Variants in CCDC117 observed in about 807,000 individuals in gnomAD.
CCDC117 encodes coiled-coil domain containing 117.
A neutral mutation model predicts 23.5 loss-of-function variants in CCDC117; 1 was observed. The observed-to-expected ratio is 0.04, with a 90% CI of 0.02 to 0.20. CCDC117 has a LOEUF of 0.20. Ranked by LOEUF, CCDC117 falls within the 10% of genes least tolerant of loss-of-function variation. The pLI is 1.00. For synonymous variants in CCDC117, 132 were observed against 124.8 expected (o/e 1.06, Z -0.39); for missense variants, 383 against 348.2 (o/e 1.10, Z -0.80).
In CCDC117 at chr22:28,786,301, G is replaced by A. The variant is rs9613680; in HGVS notation, c.815G>A (p.Ser272Asn). The A allele has an allele frequency of 2.8e-5, 45 of 1,613,422 alleles. No individual in the cohort carries two copies. In the South Asian group the frequency reaches 4.5e-4, roughly 16 times the overall value. The change falls in exon 5 of 5, where the codon AGC (serine) becomes AAC (asparagine). Residue 272 changes from serine to asparagine, a missense_variant. By Grantham distance (46) the Ser-to-Asn change is conservative. Coordinates refer to ENST00000249064, the MANE Select transcript of CCDC117 (RefSeq NM_173510.4). ...SLYNSLETAT[S>N]TEEEMEL The stretch of plus-strand genomic sequence containing the variant: ...TATAATAGTTTGGAGACAGCTACTA[G>A]CACAGAAGAAGAGATGGAACTCTAG...
At position 28,773,676 on chromosome 22, in the gene CCDC117, C is replaced by G. The variant is rs775114220; in HGVS notation, c.186-49C>G. The stretch of plus-strand genomic sequence containing the variant: ...AGCAAGAAAGAGGATACTGAAACCA[C>G]AAGCTCGAGTACATTTCTTAATTGA... On this transcript the variant is annotated intron_variant, in intron 1 of 4. Transcript: ENST00000249064. 4 of 1,476,438 alleles carry G rather than the reference C, an allele frequency of 2.7e-6. No individual in the cohort carries two copies. The African/African-American group carries it at 4.2e-5, about 15-fold the overall frequency. 91.5% of individuals were successfully genotyped at this position (1,476,438 alleles called of 1,614,324 possible). A position where few individuals can be genotyped will look rare whatever the true frequency, so the allele number is the denominator to read the frequency against.
intron 4 of CCDC117, 39 bp downstream of exon 4, chr22:28,783,684 TGGAG>T (rs2031426237): frequency 6.3e-7 from 1 of 1,595,440 alleles, no homozygotes; most frequent in African/African-American, 1.3e-5. Context: ...ATTATGATCT[TGGAG>T]GGAAGACCCA....
intron 2 of CCDC117, among the ~76,000 whole-genome samples, chr22:28,774,074 T>G (rs2031086300): frequency 6.8e-6 from 1 of 146,188 alleles, no homozygotes; most frequent in Admixed American, 6.7e-5. Flanking sequence ...GTTTTTGTTT[T>G]TTTTTTTTTT....
rs1283060098 is a variant in CCDC117 at position 28,773,770 on chromosome 22, G to T, written c.231G>T (p.Glu77Asp). 9.9e-6 allele frequency: 16 copies of T among 1,611,392 alleles called. No individual in the cohort carries two copies. In the East Asian group the frequency reaches 2.5e-4, roughly 25 times the overall value. The part of the protein sequence containing the change: ...CKKKHKREEE[E>D]DDDCPVRKKR... ...AGAAACACAAGCGAGAGGAGGAGGA[G>T]GATGATGAGTAAGTTTCAGTGGTTG... The change falls in exon 2 of 5, where the codon GAG becomes GAT. Residue 77 changes from glutamate (E) to aspartate (D), a missense_variant. Transcript: ENST00000249064.
chr22:28,786,705 A>G lies in CCDC117; in HGVS notation c.*379A>G, dbSNP rs899595250. 1.6e-5 allele frequency: 3 copies of G among 189,624 alleles called. No homozygotes were observed. The highest frequency in any genetic ancestry group is 3.3e-5 in the Non-Finnish European group (3 of 89,694). 11.7% of individuals were successfully genotyped at this position (189,624 alleles called of 1,614,324 possible). A position where few individuals can be genotyped will look rare whatever the true frequency, so the allele number is the denominator to read the frequency against. ...AAAGATGATTAAGAAGGATGCTCCT[A>G]CAACTGTATCCTGACAGTTAAGTCA... On this transcript the variant is annotated 3_prime_UTR_variant, in exon 5 of 5. Transcript: ENST00000249064.
chr22:28,784,179 T>G (rs2031439964), intron 4 of CCDC117, among the ~76,000 whole-genome samples: 1 of 152,180 alleles, frequency 6.6e-6, no homozygotes, highest in Admixed American at 6.5e-5. Context: ...TCTGGTTTCC[T>G]AGATCATCAG....
Position 28,772,951 on chromosome 22 carries a change from G to A in CCDC117, c.102G>A (p.Pro34=). ...CCTTCCCCGGCCGGGCCTTCCCGCC[G>A]GGGGCTGACGGCGCCGAGTTGGCCC... ...QPAFPGRAFP[P]GADGAELAPR... is the part of the protein sequence containing the mutation. The change falls in exon 1 of 5, where the codon CCG becomes CCA. Residue 34 remains proline, a synonymous_variant. Coordinates refer to ENST00000249064, the MANE Select transcript of CCDC117 (RefSeq NM_173510.4). 8.2e-7 allele frequency: 1 copy of A among 1,214,682 alleles called. No individual in the cohort carries two copies. The highest frequency in any genetic ancestry group is 1.0e-6 in the Non-Finnish European group (1 of 976,822). The allele number at this position is 1,214,682 out of a possible 1,614,324, so 75.2% of individuals were successfully genotyped here. A position where few individuals can be genotyped will look rare whatever the true frequency, so the allele number is the denominator to read the frequency against.
At chr22:28,779,290 C>T (rs969491069) in intron 2 of CCDC117, among the ~76,000 whole-genome samples, 1 of 152,094 alleles carries the variant, frequency 6.6e-6, no homozygotes, top group African/African-American at 2.4e-5. Flanking sequence ...CAACCTCCCC[C>T]CTCCTGGGTT....
chr22:28,773,427 A>ATTAT (rs998407556), intron 1 of CCDC117: 5 of 374,462 alleles, frequency 1.3e-5, no homozygotes, highest in African/African-American at 4.0e-5. Flanking sequence ...TCTTAGTGAG[A>ATTAT]TTATTTAAAT....
intron 3 of CCDC117, 85 bp from the exon 4 acceptor site, chr22:28,783,423 A>G (rs1281433873): frequency 3.0e-6 from 4 of 1,353,910 alleles, no homozygotes; most frequent in African/African-American, 3.0e-5. Context: ...ATCCTTTTTT[A>G]TTTTTAAAAT....
At chr22:28,776,780 C>T (rs2031173654) in intron 2 of CCDC117, among the ~76,000 whole-genome samples, 1 of 152,026 alleles carries the variant, frequency 6.6e-6, no homozygotes, top group Non-Finnish European at 1.5e-5. Context: ...GATGGGGTTT[C>T]TGCATTTTGG....
At position 28,786,321 on chromosome 22, in the gene CCDC117, C is replaced by G; in HGVS notation, c.835C>G (p.Leu279Val). ...TATSTEEEME[L>V] ...TACTAGCACAGAAGAAGAGATGGAA[C>G]TCTAGAAACCAATTTCTACACTAAA... Residue 279 changes from leucine to valine, a missense_variant, in exon 5 of 5, where the codon CTC becomes GTC. Coordinates refer to ENST00000249064, the MANE Select transcript of CCDC117 (RefSeq NM_173510.4). The G allele has an allele frequency of 1.2e-6, 2 of 1,604,028 alleles. No individual in the cohort carries two copies. Among genetic ancestry groups the G allele is most frequent in the Non-Finnish European group, 1.7e-6 (2 of 1,172,516 alleles).
intron 1 of CCDC117, 23 bp from the exon 2 acceptor site, chr22:28,773,702 C>A: frequency 6.2e-7 from 1 of 1,602,328 alleles, no homozygotes; most frequent in Non-Finnish European, 8.6e-7. Context: ...TCTTAATTGA[C>A]TGATTTTTGT....
chr22:28,783,535 A>G lies in CCDC117; in HGVS notation c.492A>G (p.Glu164=), dbSNP rs140909131. 1.9e-6 allele frequency: 3 copies of G among 1,613,760 alleles called. No homozygotes were observed. The highest frequency in any genetic ancestry group is 2.5e-6 in the Non-Finnish European group (3 of 1,179,838). The part of the protein sequence containing the change: ...DRIIDEDEEV[E]ADRNVNHLPS... ...TAATTGATGAAGATGAAGAAGTTGA[A>G]GCTGACAGAAATGTTAACCATCTCC... The change falls in exon 4 of 5, where the codon GAA becomes GAG. Residue 164 remains glutamate (E), a synonymous_variant. Transcript: ENST00000249064.
rs1379282483 is a variant in CCDC117 at position 28,781,422 on chromosome 22, C to G, written c.464+250C>G. Among the ~76,000 whole-genome samples the G allele has an allele frequency of 1.2e-4, 5 of 40,670 alleles. 1 individual carries two copies. Among genetic ancestry groups the G allele is most frequent in the African/African-American group, 5.1e-4 (2 of 3,950 alleles). 26.7% of individuals were successfully genotyped at this position (40,670 alleles called of 152,430 possible). On this transcript the variant is annotated intron_variant, in intron 3 of 4. Coordinates refer to ENST00000249064, the MANE Select transcript of CCDC117 (RefSeq NM_173510.4). ...CTGGAGTGCAGTGGCGGGATCTCGGCTCACTGCAAGCTCCGCCTCCCGGGT... is the reference window on the plus strand; with the variant it reads ...CTGGAGTGCAGTGGCGGGATCTCGGGTCACTGCAAGCTCCGCCTCCCGGGT...
chr22:28,773,132 C>A, intron 1 of CCDC117, 98 bp downstream of exon 1: 1 of 528,024 alleles, frequency 1.9e-6, no homozygotes, highest in Non-Finnish European at 2.4e-6. Context: ...GGGCTCCGCG[C>A]CGGGGCTTTT....
In CCDC117 at chr22:28,783,563, A is replaced by G. The variant is rs1569199918; in HGVS notation, c.520A>G (p.Ser174Gly). ...EADRNVNHLP[S>G]LVLSDTMKTG... Reference sequence around the variant, plus strand: ...TGACAGAAATGTTAACCATCTCCCCAGTCTTGTCCTTTCTGATACCATGAA... The same window carrying G: ...TGACAGAAATGTTAACCATCTCCCCGGTCTTGTCCTTTCTGATACCATGAA... Residue 174 changes from serine (S) to glycine (G), a missense_variant, in exon 4 of 5, where the codon AGT becomes GGT. Coordinates refer to ENST00000249064, the MANE Select transcript of CCDC117 (RefSeq NM_173510.4). 6.2e-7 allele frequency: 1 copy of G among 1,613,714 alleles called. No homozygotes were observed. The highest frequency in any genetic ancestry group is 8.5e-7 in the Non-Finnish European group (1 of 1,179,702).
In CCDC117 at chr22:28,786,303, A is replaced by C. The variant is rs144460803; in HGVS notation, c.817A>C (p.Thr273Pro). Residue 273 changes from threonine to proline, a missense_variant, in exon 5 of 5, where the codon ACA becomes CCA. Thr to Pro is a conservative substitution (Grantham distance 38, BLOSUM62 -1). Coordinates refer to ENST00000249064, the MANE Select transcript of CCDC117 (RefSeq NM_173510.4). ...TAATAGTTTGGAGACAGCTACTAGC[A>C]CAGAAGAAGAGATGGAACTCTAGAA... ...LYNSLETATS[T>P]EEEMEL 15 of 1,613,246 alleles carry C rather than the reference A, an allele frequency of 9.3e-6. 1 individual carries two copies. In the South Asian group the frequency reaches 1.3e-4, roughly 14 times the overall value.
intron 2 of CCDC117, among the ~76,000 whole-genome samples, chr22:28,776,695 C>T (rs1351168593): frequency 6.6e-6 from 1 of 152,160 alleles, no homozygotes; most frequent in Non-Finnish European, 1.5e-5. Context: ...AGCAGTTCTC[C>T]TGCCTCAGCC....
Sources: gnomAD v4.1 joint callset for allele counts (sites outside exome capture counted in the v4.1 genomes callset) on GRCh38, gnomAD v4.1.1 for gene constraint, MANE v1.5 for transcripts, NCBI Gene and HGNC (gene_info 2026-07-23, HGNC 2026-07-21) for gene names.